PRKCE: variants seen among roughly 807,000 people sequenced by gnomAD.
PRKCE encodes protein kinase C epsilon type.
PRKCE carries 16 observed loss-of-function variants against 85.4 expected under a neutral mutation model. The observed-to-expected ratio is 0.19, with a 90% confidence interval of 0.13 to 0.28. The LOEUF is 0.28. Ranked by LOEUF, PRKCE falls within the 10% of genes least tolerant of loss-of-function variation. PRKCE has a pLI of 1.00. For missense variants in PRKCE, 573 were observed against 975.2 expected, an observed-to-expected ratio of 0.59 and a Z score of 5.49; for synonymous variants, 388 against 371.5, an observed-to-expected ratio of 1.04 and a Z score of -0.51.
chr2:45,778,707 A>G (rs1258261168), intron 1 of PRKCE, among the ~76,000 whole-genome samples: 1 of 152,146 alleles, frequency 6.6e-6, no homozygotes, highest in Non-Finnish European at 1.5e-5. Context: ...CCTTTGTATC[A>G]TCAATTTCAG....
intron 13 of PRKCE, among the ~76,000 whole-genome samples, chr2:46,158,453 A>G (rs1677431875): frequency 6.6e-6 from 1 of 152,096 alleles, no homozygotes; most frequent in South Asian, 2.1e-4. Context: ...GATGAGAAAG[A>G]TGAGGTGCAC....
At chr2:46,042,080 G>A (rs911837364) in intron 10 of PRKCE, among the ~76,000 whole-genome samples, 3 of 152,190 alleles carry the variant, frequency 2.0e-5, no homozygotes, top group African/African-American at 4.8e-5. Flanking sequence ...GGGATTACCA[G>A]CCAAGTTAAT....
intron 10 of PRKCE, among the ~76,000 whole-genome samples, chr2:46,024,061 A>G (rs1312041924): frequency 1.3e-5 from 2 of 152,158 alleles, no homozygotes; most frequent in Non-Finnish European, 2.9e-5. Context: ...TATTATAGAA[A>G]CCTCATTTTG....
chr2:45,744,516 CTTTCTTTCTTTT>C (rs1682953591), intron 1 of PRKCE, among the ~76,000 whole-genome samples: 1 of 38,484 alleles, frequency 2.6e-5, no homozygotes, highest in African/African-American at 9.1e-5. Flanking sequence ...TTCTTTCTTT[CTTTCTTTCTTTT>C]TCTTTCCTTC....
At chr2:45,917,711 T>G (rs1347134630) in intron 2 of PRKCE, among the ~76,000 whole-genome samples, 2 of 152,244 alleles carry the variant, frequency 1.3e-5, no homozygotes, top group South Asian at 2.1e-4. Flanking sequence ...CTGGGCGCCG[T>G]GGAGCAGGGG....
chr2:45,731,000 C>T (rs553407919), intron 1 of PRKCE, among the ~76,000 whole-genome samples: 67 of 152,062 alleles, frequency 4.4e-4, no homozygotes, highest in Non-Finnish European at 8.1e-4. Context: ...CAAGTGGAAG[C>T]TGTTAATGAA....
At chr2:45,820,490 A>G (rs1278882143) in intron 1 of PRKCE, among the ~76,000 whole-genome samples, 1 of 152,154 alleles carries the variant, frequency 6.6e-6, no homozygotes, top group Non-Finnish European at 1.5e-5. Context: ...TAGGAGGGCA[A>G]TATGGCTGAG....
chr2:45,765,059 C>T (rs770090996), intron 1 of PRKCE, among the ~76,000 whole-genome samples: 41 of 152,126 alleles, frequency 2.7e-4, no homozygotes, highest in Non-Finnish European at 4.1e-4. Context: ...AAATGCCAGC[C>T]GCTCAAAAAC....
At chr2:46,114,770 C>A (rs1284526950) in intron 11 of PRKCE, among the ~76,000 whole-genome samples, 3 of 152,010 alleles carry the variant, frequency 2.0e-5, no homozygotes, top group Non-Finnish European at 4.4e-5. Flanking sequence ...TCAAGAAAGC[C>A]CGTTCACTGT....
intron 10 of PRKCE, among the ~76,000 whole-genome samples, chr2:46,081,711 A>G (rs1011654671): frequency 6.6e-6 from 1 of 152,254 alleles, no homozygotes; most frequent in African/African-American, 2.4e-5. Context: ...CGACAGCTGG[A>G]AAGGAGAAGA....
At chr2:45,986,725 C>T (rs905438448) in intron 6 of PRKCE, among the ~76,000 whole-genome samples, 2 of 152,128 alleles carry the variant, frequency 1.3e-5, no homozygotes, top group Non-Finnish European at 2.9e-5. Flanking sequence ...CACAATCCAG[C>T]CACTGGACAT....
At chr2:45,872,148 A>G (rs1368840095) in intron 2 of PRKCE, among the ~76,000 whole-genome samples, 1 of 152,186 alleles carries the variant, frequency 6.6e-6, no homozygotes, top group African/African-American at 2.4e-5. Flanking sequence ...TAAGCAAGAA[A>G]GGGTGATATG....
At chr2:46,108,406 C>A (rs1178785309) in intron 11 of PRKCE, among the ~76,000 whole-genome samples, 1 of 152,104 alleles carries the variant, frequency 6.6e-6, no homozygotes, top group Admixed American at 6.5e-5. Context: ...AACTCAGACA[C>A]AGAACAACAA....
intron 2 of PRKCE, among the ~76,000 whole-genome samples, chr2:45,872,096 T>G (rs4997980): frequency 0.25 from 38,478 of 151,848 alleles, 4,855 homozygotes; most frequent in East Asian, 0.35. Context: ...ACTTGAAAAG[T>G]CCTAGTTGTT....
chr2:45,921,232 C>T (rs1250190824), intron 2 of PRKCE, among the ~76,000 whole-genome samples: 1 of 152,200 alleles, frequency 6.6e-6, no homozygotes, highest in African/African-American at 2.4e-5. Context: ...TCCTAAAGTT[C>T]TTGGGAAGAG....
chr2:45,945,599 G>A (rs573615713), intron 2 of PRKCE, among the ~76,000 whole-genome samples: 1 of 152,316 alleles, frequency 6.6e-6, no homozygotes, highest in Non-Finnish European at 1.5e-5. Context: ...GCCGTCACTG[G>A]TTGAGCACAT....
chr2:45,839,310 A>G (rs1691156021), intron 1 of PRKCE, among the ~76,000 whole-genome samples: 1 of 152,068 alleles, frequency 6.6e-6, no homozygotes, highest in South Asian at 2.1e-4. Flanking sequence ...TTTGACACCA[A>G]AGTCTGTGTT....
chr2:46,034,686 A>G (rs1364276621), intron 10 of PRKCE, among the ~76,000 whole-genome samples: 1 of 152,218 alleles, frequency 6.6e-6, no homozygotes, highest in Admixed American at 6.5e-5. Flanking sequence ...GCTGGACAGA[A>G]CCCAGGGCGG....
intron 2 of PRKCE, among the ~76,000 whole-genome samples, chr2:45,931,296 A>C (rs1302309022): frequency 6.6e-6 from 1 of 152,178 alleles, no homozygotes; most frequent in Non-Finnish European, 1.5e-5. Flanking sequence ...CAATGCTGTG[A>C]TTTATGCTAG....
Sources: allele counts gnomAD v4.1 joint callset (sites outside exome capture counted in the v4.1 genomes callset), GRCh38; gene constraint gnomAD v4.1.1; transcripts MANE v1.5; gene names NCBI Gene and HGNC (gene_info 2026-07-23, HGNC 2026-07-21).